The following BRAF variants were observed in gnomAD, a reference collection of about 807,000 sequenced individuals.
The protein encoded by BRAF is serine/threonine-protein kinase B-raf.
BRAF carries 16 observed loss-of-function variants against 104.6 expected under a neutral mutation model. The observed-to-expected ratio is 0.15, with a 90% CI of 0.10 to 0.23. The LOEUF (loss-of-function observed/expected upper bound fraction) is 0.23, where lower values mean the gene tolerates loss of function less well. Ranked by LOEUF, BRAF falls within the 10% of genes least tolerant of loss-of-function variation. The probability of loss-of-function intolerance (pLI) is 1.00; values close to 1 mark genes in which losing one functional copy is unlikely to be tolerated. For missense variants in BRAF, 541 were observed against 937.3 expected (o/e 0.58, Z 5.52); for synonymous variants, 310 against 341.6 (o/e 0.91, Z 1.02).
At position 140,898,823 on chromosome 7, in the gene BRAF, TAC is replaced by T. The variant is rs1310528498; in HGVS notation, c.138+25741_138+25742del. On this transcript the variant is annotated intron_variant, in intron 1 of 19. Coordinates refer to ENST00000644969, the MANE Select transcript of BRAF (RefSeq NM_001374258.1). ...TACCTATATTTGTATTCCTAAACAA[TAC>T]AGTTAACTGCATTTGTTTTTAAACT... Among the ~76,000 whole-genome samples the T allele has an allele frequency of 1.2e-3, 188 of 152,342 alleles. 2 individuals carry two copies. The highest frequency in any genetic ancestry group is 2.1e-3 in the East Asian group (11 of 5,186).
At chr7:140,754,678 G>A (rs1042879150) in intron 14 of BRAF, among the ~76,000 whole-genome samples, 1 of 152,176 alleles carries the variant, frequency 6.6e-6, no homozygotes, top group Non-Finnish European at 1.5e-5. Context: ...CCTGAGTGAA[G>A]CTTTCCCATG....
At chr7:140,903,228 G>A (rs1331112512) in intron 1 of BRAF, among the ~76,000 whole-genome samples, 2 of 151,996 alleles carry the variant, frequency 1.3e-5, no homozygotes, top group African/African-American at 4.8e-5. Context: ...GCCTGGCCTA[G>A]GACACGATGA....
chr7:140,734,402 T>C, intron 19 of BRAF: 1 of 1,462,406 alleles, frequency 6.8e-7, no homozygotes, highest in South Asian at 1.4e-5. Flanking sequence ...TTTTAACCCT[T>C]GGATGTTAAA....
intron 11 of BRAF, 121 bp from the exon 11 acceptor site, chr7:140,781,814 A>G (rs1800904010): frequency 2.5e-6 from 2 of 787,436 alleles, no homozygotes; most frequent in Admixed American, 2.1e-5. Context: ...CTTAAGAAAA[A>G]TTCTCTGGAA....
chr7:140,871,146 G>A (rs935637326), intron 1 of BRAF, among the ~76,000 whole-genome samples: 4 of 145,698 alleles, frequency 2.7e-5, no homozygotes, highest in South Asian at 2.2e-4. Context: ...GGAGGGTGAC[G>A]CGGGAGAATG....
intron 8 of BRAF, among the ~76,000 whole-genome samples, chr7:140,790,498 C>A (rs1205327989): frequency 6.6e-6 from 1 of 152,138 alleles, no homozygotes; most frequent in African/African-American, 2.4e-5. Flanking sequence ...ATATCTATAA[C>A]TATTTGCATA....
At chr7:140,794,625 A>T (rs1437530188) in intron 7 of BRAF, among the ~76,000 whole-genome samples, 158 bp from the exon 8 acceptor site, 1 of 152,248 alleles carries the variant, frequency 6.6e-6, no homozygotes, top group African/African-American at 2.4e-5. Flanking sequence ...GTATTAATTT[A>T]AAAATCCAAT....
At chr7:140,754,660 T>C (rs984044660) in intron 14 of BRAF, among the ~76,000 whole-genome samples, 12 of 152,180 alleles carry the variant, frequency 7.9e-5, no homozygotes, top group African/African-American at 2.9e-4. Flanking sequence ...TGAATACAAA[T>C]TCTAACTCCT....
At chr7:140,915,614 T>C (rs1301178198) in intron 1 of BRAF, among the ~76,000 whole-genome samples, 1 of 151,918 alleles carries the variant, frequency 6.6e-6, no homozygotes, top group Non-Finnish European at 1.5e-5. Flanking sequence ...TTTTGCATTT[T>C]TAGTAGAGAC....
chr7:140,835,965 T>C (rs971311693), intron 2 of BRAF: 1 of 152,188 alleles, frequency 6.6e-6, no homozygotes, highest in African/African-American at 2.4e-5. Flanking sequence ...GTGTAACTGA[T>C]GTACATGAGA....
chr7:140,739,606 T>C lies in BRAF; in HGVS notation c.2247+206A>G, dbSNP rs71645991. Among the ~76,000 whole-genome samples the C allele has an allele frequency of 1.1e-3, 167 of 152,198 alleles. 2 individuals carry two copies. Among genetic ancestry groups the C allele is most frequent in the East Asian group, 3.1e-3 (16 of 5,178 alleles). ...AGAACTGATGGACAAATGCAAAGTC[T>C]TTCTGAATATTTTGTATTAGGACCC... is the stretch of plus-strand genomic sequence containing the variant. On this transcript the variant is annotated intron_variant, in intron 18 of 19. Transcript: ENST00000644969.
At position 140,723,780 on chromosome 7, in the gene BRAF, T is replaced by C. The variant is rs772402531; in HGVS notation, c.*2714A>G. The C allele has an allele frequency of 9.5e-6, 10 of 1,048,748 alleles. No homozygotes were observed. Among genetic ancestry groups the C allele is most frequent in the Non-Finnish European group, 1.2e-5 (10 of 868,752 alleles). The allele number at this position is 1,048,748 out of a possible 1,614,324, so 65.0% of individuals were successfully genotyped here. A position where few individuals can be genotyped will look rare whatever the true frequency, so the allele number is the denominator to read the frequency against. Reference sequence around the variant, plus strand: ...ACAAGACTGTTACACCCTTACAAGATGATCAGTGACGCAGCCACATACTGT... The same window carrying C: ...ACAAGACTGTTACACCCTTACAAGACGATCAGTGACGCAGCCACATACTGT... On this transcript the variant is annotated 3_prime_UTR_variant, in exon 20 of 20. Coordinates refer to ENST00000644969, the MANE Select transcript of BRAF (RefSeq NM_001374258.1).
chr7:140,894,096 T>G (rs1367525867), intron 1 of BRAF, among the ~76,000 whole-genome samples: 1 of 151,982 alleles, frequency 6.6e-6, no homozygotes, highest in Non-Finnish European at 1.5e-5. Context: ...ATCACAACAC[T>G]GCACTCCAGC....
At chr7:140,892,037 T>C (rs1352167116) in intron 1 of BRAF, among the ~76,000 whole-genome samples, 3 of 152,052 alleles carry the variant, frequency 2.0e-5, no homozygotes, top group African/African-American at 4.8e-5. Context: ...AGGTGGATCA[T>C]TTGAGGTCAG....
At chr7:140,800,512 G>T in intron 6 of BRAF, 31 bp from the exon 7 acceptor site, 1 of 1,613,892 alleles carries the variant, frequency 6.2e-7, no homozygotes, top group Non-Finnish European at 8.5e-7. Context: ...AACCTAACTT[G>T]TGCAAAACCC....
At chr7:140,761,138 G>A (rs1469224635) in intron 14 of BRAF, among the ~76,000 whole-genome samples, 2 of 152,218 alleles carry the variant, frequency 1.3e-5, no homozygotes, top group Non-Finnish European at 1.5e-5. Context: ...CAGCCAGACA[G>A]AAAGGTCGGG....
intron 14 of BRAF, among the ~76,000 whole-genome samples, chr7:140,758,987 T>C (rs1798436343): frequency 6.6e-6 from 1 of 152,252 alleles, no homozygotes; most frequent in Non-Finnish European, 1.5e-5. Context: ...TACAGATTAA[T>C]TTTGCCTTTT....
chr7:140,726,607 TA>T lies in BRAF; in HGVS notation c.2402-92del, dbSNP rs552059302. ...GCCTCATTTGAGCTTCACTGAAAAGTAACTAGTTATATATTTCAAGTCTAGC... is the reference window on the plus strand; with the variant it reads ...GCCTCATTTGAGCTTCACTGAAAAGTACTAGTTATATATTTCAAGTCTAGC... On this transcript the variant is annotated intron_variant, in intron 19 of 19. Transcript: ENST00000644969. 516 of 1,108,326 alleles carry T rather than the reference TA, an allele frequency of 4.7e-4. 3 individuals carry two copies. The African/African-American group carries it at 4.9e-3, about 11-fold the overall frequency. The allele number at this position is 1,108,326 out of a possible 1,614,324, so 68.7% of individuals were successfully genotyped here.
chr7:140,814,115 A>G (rs1804572134), intron 3 of BRAF, among the ~76,000 whole-genome samples: 1 of 152,172 alleles, frequency 6.6e-6, no homozygotes, highest in Admixed American at 6.5e-5. Context: ...CTTTCCTCCA[A>G]ATTCCAAAAT....
Sources: allele counts gnomAD v4.1 joint callset (sites outside exome capture counted in the v4.1 genomes callset), GRCh38; gene constraint gnomAD v4.1.1; transcripts MANE v1.5; gene names NCBI Gene and HGNC (gene_info 2026-07-23, HGNC 2026-07-21).